Variants in VDAC1 observed in about 807,000 individuals in gnomAD.
The protein encoded by VDAC1 is voltage dependent anion channel 1.
Under a neutral mutation model 34.7 loss-of-function variants are expected in VDAC1, and 10 were observed. The ratio of observed to expected loss-of-function variants is 0.29; its 90% CI spans 0.18 to 0.49. The LOEUF (loss-of-function observed/expected upper bound fraction) is 0.49. VDAC1 is among the 20% of genes least tolerant of loss of function. VDAC1 has a pLI of 0.99. For missense variants in VDAC1, 230 were observed against 347.9 expected, an observed-to-expected ratio of 0.66 and a Z score of 2.69; for synonymous variants, 130 against 136.0, an observed-to-expected ratio of 0.96 and a Z score of 0.30.
chr5:134,020,536 G>A, the VDAC1 span, among the ~76,000 whole-genome samples: 7 of 152,078 alleles, frequency 4.6e-5, no homozygotes, highest in Admixed American at 4.6e-4. Flanking sequence ...CCTACTTGGT[G>A]TGGCTTCAGT....
At chr5:134,053,911 CA>C in the VDAC1 span, among the ~76,000 whole-genome samples, 2 of 152,180 alleles carry the variant, frequency 1.3e-5, no homozygotes, top group Non-Finnish European at 2.9e-5. Flanking sequence ...CCAAGTACAG[CA>C]ACAGAGAAGT....
chr5:134,046,468 G>T, the VDAC1 span, among the ~76,000 whole-genome samples: 1 of 152,176 alleles, frequency 6.6e-6, no homozygotes, highest in Non-Finnish European at 1.5e-5. Context: ...ACCATGCCTG[G>T]CCCTAAGATT....
chr5:134,041,612 G>C, the VDAC1 span, among the ~76,000 whole-genome samples: 1 of 152,212 alleles, frequency 6.6e-6, no homozygotes, highest in Non-Finnish European at 1.5e-5. Flanking sequence ...TGGTGGGACC[G>C]AGCTGGTGGG....
At chr5:134,024,896 G>A in the VDAC1 span, among the ~76,000 whole-genome samples, 1 of 152,192 alleles carries the variant, frequency 6.6e-6, no homozygotes, top group Non-Finnish European at 1.5e-5. Flanking sequence ...CTACCCCCTA[G>A]CCAGCTGAGC....
At chr5:134,078,817 G>C in the VDAC1 span, among the ~76,000 whole-genome samples, 1 of 151,298 alleles carries the variant, frequency 6.6e-6, no homozygotes, top group African/African-American at 2.4e-5. Flanking sequence ...CACCCAGTTA[G>C]TTTTTGTATT....
At chr5:134,013,725 C>G in the VDAC1 span, among the ~76,000 whole-genome samples, 1 of 152,088 alleles carries the variant, frequency 6.6e-6, no homozygotes. Context: ...GGCAGATCAC[C>G]TGAGGTCAGG....
At chr5:134,113,968 G>C in the VDAC1 span, among the ~76,000 whole-genome samples, 2 of 152,174 alleles carry the variant, frequency 1.3e-5, no homozygotes, top group Admixed American at 6.5e-5. Context: ...ACCGAGTTGG[G>C]AGAGTCATAG....
the VDAC1 span, among the ~76,000 whole-genome samples, chr5:134,105,791 C>G: frequency 6.6e-6 from 1 of 152,260 alleles, no homozygotes; most frequent in Non-Finnish European, 1.5e-5. Context: ...GTGCCCCTGC[C>G]CAGGCAAACA....
chr5:134,078,853 G>A, the VDAC1 span, among the ~76,000 whole-genome samples: 2 of 151,796 alleles, frequency 1.3e-5, no homozygotes, highest in Non-Finnish European at 2.9e-5. Context: ...GTTTCACCAT[G>A]TTGGCCAGGC....
At chr5:134,055,910 CAGAG>C in the VDAC1 span, among the ~76,000 whole-genome samples, 2 of 151,686 alleles carry the variant, frequency 1.3e-5, no homozygotes, top group East Asian at 1.9e-4. Context: ...CATTCACACA[CAGAG>C]AGAACTTGCT....
chr5:134,099,052 G>A, the VDAC1 span, among the ~76,000 whole-genome samples: 4 of 152,192 alleles, frequency 2.6e-5, no homozygotes, highest in African/African-American at 4.8e-5. Flanking sequence ...CTGACACAGA[G>A]GAGAAACGGA....
the VDAC1 span, among the ~76,000 whole-genome samples, chr5:134,077,195 T>A: frequency 2.7e-5 from 4 of 147,404 alleles, no homozygotes; most frequent in African/African-American, 2.5e-5. Flanking sequence ...AGGAATTGCT[T>A]GAACTCAGGA....
At chr5:134,074,305 AAAATAAATAAATAAAT>A in the VDAC1 span, among the ~76,000 whole-genome samples, 189 of 136,770 alleles carry the variant, frequency 1.4e-3, no homozygotes, top group South Asian at 9.1e-3. Flanking sequence ...ACTCCATCTC[AAAATAAATAAATAAAT>A]AAATAAATAA....
At chr5:134,043,083 A>G in the VDAC1 span, among the ~76,000 whole-genome samples, 1 of 152,236 alleles carries the variant, frequency 6.6e-6, no homozygotes, top group African/African-American at 2.4e-5. Context: ...GGATCCTGCC[A>G]AGAGCCTCAG....
At chr5:134,007,250 A>AG (rs1453273538), upstream of VDAC1, among the ~76,000 whole-genome samples, 1 of 82,274 alleles carries the variant, frequency 1.2e-5, no homozygotes, top group Non-Finnish European at 2.9e-5. Context: ...GCCAAAAAAA[A>AG]AAAAAAAGAA....
the VDAC1 span, among the ~76,000 whole-genome samples, chr5:134,073,065 T>C: frequency 6.6e-6 from 1 of 152,072 alleles, no homozygotes; most frequent in Admixed American, 6.6e-5. Flanking sequence ...AGTCAAGAGG[T>C]CCTAGGCTTT....
At chr5:134,075,337 C>T in the VDAC1 span, among the ~76,000 whole-genome samples, 1 of 152,212 alleles carries the variant, frequency 6.6e-6, no homozygotes, top group South Asian at 2.1e-4. Context: ...GTGCTATCCA[C>T]ACTGCTTTTC....
chr5:134,046,816 C>T, the VDAC1 span, among the ~76,000 whole-genome samples: 2 of 152,246 alleles, frequency 1.3e-5, no homozygotes, highest in Non-Finnish European at 2.9e-5. Context: ...CTCCACTCTA[C>T]ACCTACCAGT....
the VDAC1 span, among the ~76,000 whole-genome samples, chr5:134,074,355 A>AGC: frequency 3.5e-5 from 5 of 142,944 alleles, no homozygotes; most frequent in South Asian, 2.3e-4. Flanking sequence ...TAAATAAATA[A>AGC]AAGCTTTGAA....
Sources: gnomAD v4.1 joint callset for allele counts (sites outside exome capture counted in the v4.1 genomes callset) on GRCh38, gnomAD v4.1.1 for gene constraint, MANE v1.5 for transcripts, NCBI Gene and HGNC (gene_info 2026-07-23, HGNC 2026-07-21) for gene names.